The following SLC35F1 variants were observed in gnomAD, a reference collection of about 807,000 sequenced individuals.
SLC35F1 encodes the protein chromosome 6 open reading frame 169.
In SLC35F1, 14 loss-of-function variants were observed where a neutral mutation model predicts 48.7. The ratio of observed to expected loss-of-function variants is 0.29; its 90% CI spans 0.19 to 0.45. The LOEUF (loss-of-function observed/expected upper bound fraction) is 0.45. SLC35F1 is among the 20% of genes least tolerant of loss of function. The probability of loss-of-function intolerance (pLI) is 1.00; values close to 1 mark genes in which losing one functional copy is unlikely to be tolerated. For synonymous variants in SLC35F1, 190 were observed against 202.2 expected, an observed-to-expected ratio of 0.94 and a Z score of 0.51; for missense variants, 404 against 500.0, an observed-to-expected ratio of 0.81 and a Z score of 1.83.
intron 1 of SLC35F1, among the ~76,000 whole-genome samples, chr6:118,084,553 G>A (rs1348351548): frequency 2.0e-5 from 3 of 152,136 alleles, no homozygotes; most frequent in Non-Finnish European, 4.4e-5. Context: ...TAGTGGGGGA[G>A]ATGAGGCAGG....
At chr6:118,010,928 A>G (rs935042017) in intron 1 of SLC35F1, among the ~76,000 whole-genome samples, 4 of 152,140 alleles carry the variant, frequency 2.6e-5, no homozygotes, top group African/African-American at 9.7e-5. Context: ...AGTGCTTCTC[A>G]ATTGTGGATG....
At chr6:118,270,273 C>G (rs1001033457) in intron 4 of SLC35F1, among the ~76,000 whole-genome samples, 1 of 152,052 alleles carries the variant, frequency 6.6e-6, no homozygotes, top group Non-Finnish European at 1.5e-5. Flanking sequence ...TCCAGAAATT[C>G]TTTGTTTTGA....
At chr6:118,160,361 G>C (rs1053499447) in intron 2 of SLC35F1, among the ~76,000 whole-genome samples, 2 of 152,160 alleles carry the variant, frequency 1.3e-5, no homozygotes, top group Non-Finnish European at 2.9e-5. Context: ...GATGAGTATG[G>C]CATGTGTTTT....
intron 1 of SLC35F1, among the ~76,000 whole-genome samples, chr6:118,112,367 G>A (rs1259171477): frequency 6.6e-6 from 1 of 152,114 alleles, no homozygotes; most frequent in Non-Finnish European, 1.5e-5. Context: ...AACCCTTGTA[G>A]CAGAGTACAT....
At chr6:118,169,552 G>A (rs552345408) in intron 2 of SLC35F1, among the ~76,000 whole-genome samples, 6 of 152,180 alleles carry the variant, frequency 3.9e-5, no homozygotes, top group African/African-American at 1.4e-4. Context: ...CCTTACAGAT[G>A]CGCTCTCTCG....
intron 4 of SLC35F1, among the ~76,000 whole-genome samples, chr6:118,267,966 G>A (rs1775799463): frequency 6.6e-6 from 1 of 152,070 alleles, no homozygotes; most frequent in Non-Finnish European, 1.5e-5. Flanking sequence ...TTAGAAATGG[G>A]ATAGAAAGTA....
At chr6:118,137,005 C>T (rs1268576588) in intron 1 of SLC35F1, among the ~76,000 whole-genome samples, 3 of 152,178 alleles carry the variant, frequency 2.0e-5, no homozygotes, top group East Asian at 1.9e-4. Flanking sequence ...CTAACCCACT[C>T]GCCTTTGATT....
At chr6:118,054,959 T>A (rs540754183) in intron 1 of SLC35F1, among the ~76,000 whole-genome samples, 1 of 152,244 alleles carries the variant, frequency 6.6e-6, no homozygotes, top group East Asian at 1.9e-4. Flanking sequence ...GTGTTTTTAG[T>A]GGAGACGGGG....
At chr6:118,021,668 T>C (rs112140121) in intron 1 of SLC35F1, among the ~76,000 whole-genome samples, 118 of 152,242 alleles carry the variant, frequency 7.8e-4, no homozygotes, top group African/African-American at 2.7e-3. Context: ...CACACACAAT[T>C]CTGTTGTCCC....
intron 1 of SLC35F1, among the ~76,000 whole-genome samples, chr6:118,035,628 AAC>A (rs1772118300): frequency 1.4e-5 from 1 of 70,390 alleles, no homozygotes; most frequent in Non-Finnish European, 3.4e-5. Flanking sequence ...AAAAAAAAAC[AAC>A]AACAACAAAA....
chr6:118,125,378 G>C (rs764625979), intron 1 of SLC35F1, among the ~76,000 whole-genome samples: 53 of 52,338 alleles, frequency 1.0e-3, no homozygotes, highest in Non-Finnish European at 1.8e-3. Context: ...TGGTATTTTG[G>C]GGGGGGGGAT....
At chr6:118,016,237 C>A (rs1306510096) in intron 1 of SLC35F1, among the ~76,000 whole-genome samples, 2 of 152,190 alleles carry the variant, frequency 1.3e-5, no homozygotes, top group Non-Finnish European at 2.9e-5. Flanking sequence ...TTAATGTTTT[C>A]TCCTCTAGAA....
chr6:118,117,717 C>A (rs1773493224), intron 1 of SLC35F1, among the ~76,000 whole-genome samples: 1 of 152,098 alleles, frequency 6.6e-6, no homozygotes, highest in African/African-American at 2.4e-5. Flanking sequence ...AAAAAGATTC[C>A]TCATGCCACC....
intron 1 of SLC35F1, among the ~76,000 whole-genome samples, chr6:118,127,648 C>T (rs1408543437): frequency 6.6e-6 from 1 of 151,732 alleles, no homozygotes; most frequent in Non-Finnish European, 1.5e-5. Context: ...ACACCTTATA[C>T]AAAAATTAAT....
chr6:118,226,235 G>A (rs1775216285), intron 2 of SLC35F1, among the ~76,000 whole-genome samples: 1 of 152,114 alleles, frequency 6.6e-6, no homozygotes, highest in Non-Finnish European at 1.5e-5. Context: ...TATGAAGAAA[G>A]GCGAATCCTT....
intron 7 of SLC35F1, among the ~76,000 whole-genome samples, chr6:118,310,809 C>T (rs1277600031): frequency 2.0e-5 from 3 of 152,136 alleles, no homozygotes; most frequent in Non-Finnish European, 4.4e-5. Flanking sequence ...CCCAAGAAAA[C>T]AATTCTGTAA....
At chr6:118,273,040 A>G (rs1406994755) in intron 4 of SLC35F1, among the ~76,000 whole-genome samples, 1 of 149,354 alleles carries the variant, frequency 6.7e-6, no homozygotes, top group East Asian at 1.9e-4. Context: ...AAAACTGACA[A>G]ATATAATTAT....
At chr6:118,113,427 A>G (rs1310157664) in intron 1 of SLC35F1, among the ~76,000 whole-genome samples, 1 of 152,130 alleles carries the variant, frequency 6.6e-6, no homozygotes, top group African/African-American at 2.4e-5. Context: ...TTCACTGGTT[A>G]TAATAAATGT....
At chr6:118,071,150 A>ACG (rs2114299199) in intron 1 of SLC35F1, among the ~76,000 whole-genome samples, 1 of 139,352 alleles carries the variant, frequency 7.2e-6, no homozygotes, top group Non-Finnish European at 1.5e-5. Context: ...TATACATTCT[A>ACG]TGTATATACA....
Sources: gnomAD v4.1 joint callset for allele counts (sites outside exome capture counted in the v4.1 genomes callset) on GRCh38, gnomAD v4.1.1 for gene constraint, MANE v1.5 for transcripts, NCBI Gene and HGNC (gene_info 2026-07-23, HGNC 2026-07-21) for gene names.